CNKSR2: variants seen among roughly 807,000 people sequenced by gnomAD.
CNKSR2 encodes the protein CNK homolog protein 2.
A neutral mutation model predicts 84.4 loss-of-function variants in CNKSR2; 14 were observed. That is an observed-to-expected ratio of 0.17 (90% confidence interval 0.11 to 0.26). CNKSR2 has a LOEUF of 0.26. Among genes scored for constraint, CNKSR2 ranks in the 10% least tolerant of loss-of-function variants. The pLI, the probability that CNKSR2 is intolerant of heterozygous loss-of-function variation, is 1.00. For synonymous variants in CNKSR2, 275 were observed against 277.9 expected, an observed-to-expected ratio of 0.99 and a Z score of 0.10; for missense variants, 485 against 771.2, an observed-to-expected ratio of 0.63 and a Z score of 4.40.
In CNKSR2 at chrX:21,570,974, T is replaced by C. The variant is rs150425778; in HGVS notation, c.1608+7522T>C. ...GATTAGGCTTTGGTGTAAGGGAATG[T>C]TGTGGCTGGTTTTGATCTTCTATCC... is the stretch of plus-strand genomic sequence containing the variant. On this transcript the variant is annotated intron_variant, in intron 13 of 21. Coordinates refer to ENST00000379510, the MANE Select transcript of CNKSR2 (RefSeq NM_014927.5). Among the ~76,000 whole-genome samples, 1,082 of 112,579 alleles carry C rather than the reference T, an allele frequency of 9.6e-3. 9 individuals are homozygous for C. Among genetic ancestry groups the C allele is most frequent in the African/African-American group, 0.033 (1,010 of 31,009 alleles).
At chrX:21,525,287 G>T (rs2091823982) in intron 9 of CNKSR2, among the ~76,000 whole-genome samples, 1 of 110,952 alleles carries the variant, frequency 9.0e-6, no homozygotes. Context: ...CTCAAGTTTT[G>T]TTTCTAAAAG....
At chrX:21,509,488 T>C (rs1485731337) in intron 8 of CNKSR2, among the ~76,000 whole-genome samples, 1 of 112,072 alleles carries the variant, frequency 8.9e-6, no homozygotes, top group Non-Finnish European at 1.9e-5. Context: ...TTAAAATAGG[T>C]AAACCTTGGG....
At position 21,378,858 on chromosome X, in the gene CNKSR2, A is replaced by G. The variant is rs1490608196; in HGVS notation, c.64+3897A>G. 2.7e-5 allele frequency among the ~76,000 whole-genome samples: 3 copies of G among 111,302 alleles called. No individual in the cohort carries two copies. In the Admixed American group the frequency reaches 2.9e-4, roughly 11 times the overall value. On this transcript the variant is annotated intron_variant, in intron 1 of 21. Transcript: ENST00000379510. ...CTTACCATCTCTGTGATTTAGCTCC[A>G]GCCACTTTTGTATTATTATGATTCT...
At chrX:21,540,888 C>G (rs1194617199) in intron 11 of CNKSR2, among the ~76,000 whole-genome samples, 1 of 111,909 alleles carries the variant, frequency 8.9e-6, no homozygotes, top group Admixed American at 9.4e-5. Context: ...CATTCATATT[C>G]TAAATTTAGA....
At chrX:21,564,721 T>C (rs1342763802) in intron 13 of CNKSR2, among the ~76,000 whole-genome samples, 1 of 110,089 alleles carries the variant, frequency 9.1e-6, no homozygotes, top group Non-Finnish European at 1.9e-5. Context: ...ACTTATTCTA[T>C]AGCTCTTCCA....
chrX:21,568,613 G>A (rs977785851), intron 13 of CNKSR2, among the ~76,000 whole-genome samples: 7 of 110,984 alleles, frequency 6.3e-5, no homozygotes, highest in African/African-American at 2.0e-4. Context: ...TTTTGATGGA[G>A]GGAAGAGGGG....
chrX:21,500,049 T>G (rs1437136755), intron 7 of CNKSR2, among the ~76,000 whole-genome samples: 1 of 111,095 alleles, frequency 9.0e-6, no homozygotes, highest in Admixed American at 9.6e-5. Flanking sequence ...CTTTTCAGAA[T>G]TGTTTCATGG....
chrX:21,563,290 C>T lies in CNKSR2; in HGVS notation c.1446C>T (p.Tyr482=), dbSNP rs141039707. Residue 482 remains tyrosine, a synonymous_variant, in exon 13 of 22, where the codon TAC becomes TAT. Coordinates refer to ENST00000379510, the MANE Select transcript of CNKSR2 (RefSeq NM_014927.5). ...MSNEKIAQEE[Y]MFQRNSKKDT... is the part of the protein sequence containing the mutation. Reference sequence around the variant, plus strand: ...ATGAAAAGATTGCTCAAGAAGAATACATGTTTCAGAGAAACAGCAAAAAGG... The same window carrying T: ...ATGAAAAGATTGCTCAAGAAGAATATATGTTTCAGAGAAACAGCAAAAAGG... 8.3e-7 allele frequency: 1 copy of T among 1,207,778 alleles called. No homozygotes were observed. The highest frequency in any genetic ancestry group is 1.8e-5 in the African/African-American group (1 of 56,995).
At chrX:21,473,908 G>A (rs1469106565) in intron 5 of CNKSR2, among the ~76,000 whole-genome samples, 3 of 106,792 alleles carry the variant, frequency 2.8e-5, no homozygotes, top group Non-Finnish European at 3.8e-5. Context: ...CACCACGCCC[G>A]GCTAATTTTT....
intron 1 of CNKSR2, among the ~76,000 whole-genome samples, chrX:21,386,018 CAAAAAA>C (rs1179082753): frequency 4.9e-5 from 1 of 20,455 alleles, no homozygotes; most frequent in African/African-American, 1.5e-4. Flanking sequence ...TGGATGTAGG[CAAAAAA>C]AAAAAAAAAA....
Position 21,634,584 on chromosome X carries a change from A to G in CNKSR2, c.2693-14247A>G, listed in dbSNP as rs1180852481. 1.8e-5 allele frequency among the ~76,000 whole-genome samples: 2 copies of G among 111,291 alleles called. 1 individual carries two copies. The highest frequency in any genetic ancestry group is 3.8e-5 in the Non-Finnish European group (2 of 53,028). On this transcript the variant is annotated intron_variant, in intron 20 of 21. Coordinates refer to ENST00000379510, the MANE Select transcript of CNKSR2 (RefSeq NM_014927.5). ...ATTGCAAGCTCAGTTAGAAAGAGTA[A>G]GCAGAAGTTTATTTCAGGCTTCTAC... is the stretch of plus-strand genomic sequence containing the variant.
chrX:21,627,423 C>T (rs1054401586), intron 20 of CNKSR2, among the ~76,000 whole-genome samples: 7 of 111,136 alleles, frequency 6.3e-5, no homozygotes, highest in South Asian at 3.9e-4. Flanking sequence ...GGTGTGAACC[C>T]GGGAGGCGGA....
intron 10 of CNKSR2, among the ~76,000 whole-genome samples, chrX:21,529,246 A>G (rs917429134): frequency 4.5e-5 from 5 of 111,253 alleles, no homozygotes; most frequent in African/African-American, 1.3e-4. Context: ...CCAGAAAAAA[A>G]GTTATTGCAA....
At chrX:21,591,263 T>C in intron 15 of CNKSR2, 69 bp downstream of exon 15, 1 of 947,916 alleles carries the variant, frequency 1.1e-6, no homozygotes, top group South Asian at 2.7e-5. Context: ...TTTTGAGACT[T>C]ATATTTTAAA....
chrX:21,438,540 A>C (rs5904485), intron 3 of CNKSR2, among the ~76,000 whole-genome samples: 1,159 of 111,802 alleles, frequency 0.01, 3 homozygotes, highest in Middle Eastern at 0.028. Context: ...CACTAAAATA[A>C]ATTTTAGATA....
At chrX:21,488,031 T>A (rs1402269055) in intron 5 of CNKSR2, among the ~76,000 whole-genome samples, 1 of 112,361 alleles carries the variant, frequency 8.9e-6, no homozygotes, top group Admixed American at 9.4e-5. Context: ...CTGTTGGCAC[T>A]TTGCCTAGCA....
At chrX:21,432,085 A>G (rs1434268166) in intron 2 of CNKSR2, among the ~76,000 whole-genome samples, 2 of 111,711 alleles carry the variant, frequency 1.8e-5, no homozygotes, top group Non-Finnish European at 3.8e-5. Context: ...CTTCTTATAC[A>G]TCATTATGTA....
intron 13 of CNKSR2, among the ~76,000 whole-genome samples, chrX:21,574,097 C>T (rs1404772593): frequency 8.9e-6 from 1 of 111,735 alleles, no homozygotes; most frequent in African/African-American, 3.3e-5. Context: ...GCAAGAGTCA[C>T]CTTTGCTCCA....
chrX:21,375,080 G>C (rs1162597650), intron 1 of CNKSR2, 119 bp downstream of exon 1: 34 of 611,995 alleles, frequency 5.6e-5, no homozygotes, highest in Non-Finnish European at 9.1e-5. Flanking sequence ...GCGGATCGTC[G>C]TACGCGTCGG....
Sources: allele counts gnomAD v4.1 joint callset (sites outside exome capture counted in the v4.1 genomes callset), GRCh38; gene constraint gnomAD v4.1.1; transcripts MANE v1.5; gene names NCBI Gene and HGNC (gene_info 2026-07-23, HGNC 2026-07-21).